The following PRKCI variants were observed in gnomAD, a reference collection of about 807,000 sequenced individuals.
PRKCI encodes protein kinase C iota.
PRKCI carries 43 observed loss-of-function variants against 84.0 expected under a neutral mutation model. That is an observed-to-expected ratio of 0.51 (90% CI 0.40 to 0.66). The LOEUF (loss-of-function observed/expected upper bound fraction) is 0.66. Among genes scored for constraint, PRKCI ranks in the 30% least tolerant of loss-of-function variants. PRKCI has a pLI of 0.00. For missense variants in PRKCI, 459 were observed against 745.6 expected, an observed-to-expected ratio of 0.62 and a Z score of 4.48; for synonymous variants, 216 against 234.4, an observed-to-expected ratio of 0.92 and a Z score of 0.72.
chr3:170,299,612 C>G (rs1181312421), intron 17 of PRKCI, among the ~76,000 whole-genome samples: 2 of 152,232 alleles, frequency 1.3e-5, no homozygotes, highest in Admixed American at 6.5e-5. Context: ...GTCATTTTCT[C>G]CTTTGCTTTA....
intron 12 of PRKCI, among the ~76,000 whole-genome samples, chr3:170,289,741 C>T (rs779243153): frequency 6.6e-6 from 1 of 152,032 alleles, no homozygotes; most frequent in African/African-American, 2.4e-5. Flanking sequence ...GGTGAAACCC[C>T]GTCACTACTA....
intron 4 of PRKCI, among the ~76,000 whole-genome samples, chr3:170,267,289 C>T (rs1037613111): frequency 6.6e-6 from 1 of 151,494 alleles, no homozygotes; most frequent in African/African-American, 2.4e-5. Flanking sequence ...TGGTAAATCT[C>T]GGTGAAAGAT....
At chr3:170,271,151 G>A (rs1733995461) in intron 6 of PRKCI, among the ~76,000 whole-genome samples, 1 of 152,096 alleles carries the variant, frequency 6.6e-6, no homozygotes, top group African/African-American at 2.4e-5. Context: ...AACTTTTCCT[G>A]TGCAAATTTA....
chr3:170,273,839 A>AG (rs1371142162), intron 7 of PRKCI, among the ~76,000 whole-genome samples: 1 of 151,392 alleles, frequency 6.6e-6, no homozygotes, highest in Non-Finnish European at 1.5e-5. Flanking sequence ...GAAAAAAAAA[A>AG]GACAACTGTG....
chr3:170,229,910 A>T (rs1280546038), intron 1 of PRKCI, among the ~76,000 whole-genome samples: 1 of 152,094 alleles, frequency 6.6e-6, no homozygotes, highest in Admixed American at 6.6e-5. Context: ...ATTAATGATC[A>T]TTTGTATTTC....
At position 170,256,502 on chromosome 3, in the gene PRKCI, G is replaced by A. The variant is rs1733585540; in HGVS notation, c.224-3467G>A. On this transcript the variant is annotated intron_variant, in intron 2 of 17. Transcript: ENST00000295797. The stretch of plus-strand genomic sequence containing the variant: ...TCTAATGATCCTTTGAGTTTCTGCA[G>A]TATTAGTTGTATTGTCTCCTTTTTC... Among the ~76,000 whole-genome samples, 2 of 152,120 alleles carry A rather than the reference G, an allele frequency of 1.3e-5. 1 individual carries two copies. Among genetic ancestry groups the A allele is most frequent in the South Asian group, 4.1e-4 (2 of 4,828 alleles).
chr3:170,239,048 A>G (rs1392645313), intron 2 of PRKCI, among the ~76,000 whole-genome samples: 1 of 152,260 alleles, frequency 6.6e-6, no homozygotes, highest in Non-Finnish European at 1.5e-5. Context: ...GTATATCAAA[A>G]CATCATGTTA....
chr3:170,236,667 G>A (rs1194086402), intron 2 of PRKCI, among the ~76,000 whole-genome samples: 8 of 151,920 alleles, frequency 5.3e-5, no homozygotes, highest in African/African-American at 1.9e-4. Context: ...TTTGAGAACA[G>A]CCTGGGCAAC....
chr3:170,299,081 T>C lies in PRKCI; in HGVS notation c.1674T>C (p.Asn558=), dbSNP rs1432121291. 6.2e-7 allele frequency: 1 copy of C among 1,611,608 alleles called. No individual in the cohort carries two copies. The highest frequency in any genetic ancestry group is 1.3e-5 in the African/African-American group (1 of 74,944). The change falls in exon 17 of 18, where the codon AAT becomes AAC. Residue 558 remains asparagine, a synonymous_variant. Coordinates refer to ENST00000295797, the MANE Select transcript of PRKCI (RefSeq NM_002740.6). The part of the protein sequence containing the change: ...GLDNFDSQFT[N]EPVQLTPDDD... ...ACAACTTTGATTCTCAGTTTACTAA[T>C]GAACCTGTCCAGCTCACTCCAGATG...
intron 12 of PRKCI, among the ~76,000 whole-genome samples, chr3:170,288,390 C>CT (rs1256082236): frequency 6.6e-6 from 1 of 152,192 alleles, no homozygotes; most frequent in Non-Finnish European, 1.5e-5. Context: ...AATCTGAGAT[C>CT]TTTATCGAGT....
intron 5 of PRKCI, among the ~76,000 whole-genome samples, chr3:170,269,132 CT>C (rs1437168188): frequency 5.3e-5 from 8 of 152,264 alleles, no homozygotes; most frequent in African/African-American, 1.9e-4. Flanking sequence ...CCAAGCTGGT[CT>C]CAAACTCCTG....
chr3:170,250,744 G>A (rs1733423860), intron 2 of PRKCI, among the ~76,000 whole-genome samples: 1 of 152,106 alleles, frequency 6.6e-6, no homozygotes, highest in South Asian at 2.1e-4. Flanking sequence ...ATTTCATATG[G>A]TAACTGTTTA....
At chr3:170,234,184 A>G (rs2108836695) in intron 1 of PRKCI, among the ~76,000 whole-genome samples, 1 of 152,110 alleles carries the variant, frequency 6.6e-6, no homozygotes, top group South Asian at 2.1e-4. Flanking sequence ...GGCATGTGCC[A>G]CCACACCCAG....
intron 17 of PRKCI, among the ~76,000 whole-genome samples, chr3:170,301,476 C>T (rs1241250767): frequency 6.6e-6 from 1 of 152,002 alleles, no homozygotes; most frequent in East Asian, 1.9e-4. Flanking sequence ...AAGTAATGAC[C>T]CTTTATGATC....
chr3:170,235,798 C>G (rs1051442807), intron 2 of PRKCI, among the ~76,000 whole-genome samples: 1 of 152,082 alleles, frequency 6.6e-6, no homozygotes, highest in Non-Finnish European at 1.5e-5. Flanking sequence ...AACTCCTGAC[C>G]TTATGATCTG....
intron 3 of PRKCI, among the ~76,000 whole-genome samples, chr3:170,260,672 C>T (rs1021764869): frequency 2.0e-5 from 3 of 152,046 alleles, no homozygotes; most frequent in African/African-American, 4.8e-5. Context: ...AGGCTGGTCT[C>T]GAACTCCTGG....
intron 2 of PRKCI, among the ~76,000 whole-genome samples, chr3:170,256,026 A>G (rs4955587): frequency 0.25 from 37,541 of 152,104 alleles, 5,735 homozygotes; most frequent in South Asian, 0.41. Flanking sequence ...CCCTGGAACA[A>G]ATTCCAGTTG....
At chr3:170,282,109 G>C in intron 11 of PRKCI, 141 bp downstream of exon 11, 1 of 786,192 alleles carries the variant, frequency 1.3e-6, no homozygotes, top group Non-Finnish European at 1.9e-6. Flanking sequence ...TGAGCTAAAA[G>C]TTAATTTACA....
chr3:170,289,710 C>T (rs1400845318), intron 12 of PRKCI, among the ~76,000 whole-genome samples: 2 of 151,840 alleles, frequency 1.3e-5, no homozygotes, highest in Admixed American at 6.6e-5. Flanking sequence ...GTCAGGAGTT[C>T]GAGACCAACC....
Sources: gnomAD v4.1 joint callset for allele counts (sites outside exome capture counted in the v4.1 genomes callset) on GRCh38, gnomAD v4.1.1 for gene constraint, MANE v1.5 for transcripts, NCBI Gene and HGNC (gene_info 2026-07-23, HGNC 2026-07-21) for gene names.